Variants in SPDYE21 observed in about 807,000 individuals in gnomAD.
The protein encoded by SPDYE21 is speedy/RINGO cell cycle regulator family member E21.
SPDYE21 carries 14 observed loss-of-function variants against 36.2 expected under a neutral mutation model. The ratio of observed to expected loss-of-function variants is 0.39; its 90% CI spans 0.26 to 0.61. SPDYE21 has a LOEUF of 0.61. Among genes scored for constraint, SPDYE21 ranks in the 20% least tolerant of loss-of-function variants. The probability of loss-of-function intolerance (pLI) is 0.55; values close to 1 mark genes in which losing one functional copy is unlikely to be tolerated. For missense variants in SPDYE21, 233 were observed against 424.6 expected, an observed-to-expected ratio of 0.55 and a Z score of 3.97; for synonymous variants, 58 against 155.1, an observed-to-expected ratio of 0.37 and a Z score of 4.65.
intron 5 of SPDYE21, among the ~76,000 whole-genome samples, chr7:67,283,573 T>G (rs1483174065): frequency 2.6e-5 from 4 of 151,582 alleles, no homozygotes; most frequent in African/African-American, 4.9e-5. Flanking sequence ...CAGCCCTGAA[T>G]CTCCTGGCCC....
intron 6 of SPDYE21, among the ~76,000 whole-genome samples, chr7:67,285,334 G>C (rs1802711144): frequency 6.6e-6 from 1 of 152,040 alleles, no homozygotes; most frequent in Non-Finnish European, 1.5e-5. Context: ...TCCCACCTCA[G>C]CTTCTTTATT....
rs549041483 is a variant in SPDYE21, at chr7:67,285,991, C to T, written c.756-53C>T. On this transcript the variant is annotated intron_variant, in intron 6 of 8. Transcript: ENST00000424157. ...TCCTCTCTGGGAAGCTGACCTCAGC[C>T]GGAGGCCTCTCCTGGTGGTGCCCCT... 2,295 of 1,611,998 alleles carry T rather than the reference C, an allele frequency of 1.4e-3. 25 individuals carry two copies. In the African/African-American group the frequency reaches 0.025, roughly 18 times the overall value.
chr7:67,279,174 C>T (rs1802590170), intron 2 of SPDYE21, among the ~76,000 whole-genome samples: 1 of 147,666 alleles, frequency 6.8e-6, no homozygotes, highest in Non-Finnish European at 1.5e-5. Context: ...GATCACGCTA[C>T]TGCACTCCCA....
chr7:67,278,173 A>ATAATCTCACTCTTGCACATGG lies in SPDYE21; in HGVS notation c.-422-99_-422-98insGTAATCTCACTCTTGCACATG. ...CATGATAATCTCACTCTTGTACATG[A>ATAATCTCACTCTTGCACATGG]TAATCTCACTCTTGCACATGATAAT... On this transcript the variant is annotated intron_variant, in intron 1 of 8. Coordinates refer to ENST00000424157, the MANE Select transcript of SPDYE21 (RefSeq NM_001382715.2). Among the ~76,000 whole-genome samples, 2 of 81,324 alleles carry ATAATCTCACTCTTGCACATGG rather than the reference A, an allele frequency of 2.5e-5. 1 individual carries two copies. The highest frequency in any genetic ancestry group is 6.7e-4 in the East Asian group (2 of 3,004). The allele number at this position is 81,324 out of a possible 152,430, so 53.4% of individuals were successfully genotyped here. A position where few individuals can be genotyped will look rare whatever the true frequency, so the allele number is the denominator to read the frequency against.
intron 6 of SPDYE21, among the ~76,000 whole-genome samples, chr7:67,284,981 G>A (rs907587126): frequency 2.0e-5 from 3 of 151,606 alleles, no homozygotes; most frequent in African/African-American, 4.8e-5. Flanking sequence ...CTTTGTGTTT[G>A]TGTTTTCTGT....
rs541656144 is a variant in SPDYE21, at chr7:67,287,593, G to C, written c.*121G>C. Among the ~76,000 whole-genome samples, 2 of 150,330 alleles carry C rather than the reference G, an allele frequency of 1.3e-5. No individual in the cohort carries two copies. The highest frequency in any genetic ancestry group is 2.9e-5 in the Non-Finnish European group (2 of 67,840). On this transcript the variant is annotated 3_prime_UTR_variant, in exon 9 of 9. Coordinates refer to ENST00000424157, the MANE Select transcript of SPDYE21 (RefSeq NM_001382715.2). ...TGCTAATGGCAGACACCAGGAAGGA[G>C]AAGAGGAACCATTTGTGCAGATCAT...
intron 6 of SPDYE21, 80 bp from the exon 7 acceptor site, chr7:67,285,964 C>T: frequency 1.2e-6 from 2 of 1,609,802 alleles, no homozygotes; most frequent in South Asian, 1.1e-5. Context: ...GGTCCCTTAC[C>T]TTCCTCTCTG....
chr7:67,282,076 T>C (rs1284345194), intron 4 of SPDYE21, among the ~76,000 whole-genome samples: 1 of 152,120 alleles, frequency 6.6e-6, no homozygotes, highest in East Asian at 1.9e-4. Flanking sequence ...GAGGTTGCAG[T>C]GAGCCAAGAT....
intron 3 of SPDYE21, among the ~76,000 whole-genome samples, chr7:67,280,290 T>C (rs191757533): frequency 3.3e-5 from 5 of 152,054 alleles, no homozygotes; most frequent in Admixed American, 1.3e-4. Context: ...CCTGAGATCC[T>C]AGCATGTTGG....
At chr7:67,283,546 G>A (rs1802678302) in intron 5 of SPDYE21, among the ~76,000 whole-genome samples, 1 of 151,864 alleles carries the variant, frequency 6.6e-6, no homozygotes, top group African/African-American at 2.4e-5. Context: ...TCTGAGCTCT[G>A]GGCCACAGTC....
intron 4 of SPDYE21, 127 bp downstream of exon 4, chr7:67,281,731 TG>T: frequency 8.3e-7 from 1 of 1,198,614 alleles, no homozygotes; most frequent in Non-Finnish European, 1.2e-6. Context: ...GGGAGGAATG[TG>T]AAGTGATCAC....
At chr7:67,286,879 G>C (rs3873638) in intron 8 of SPDYE21, among the ~76,000 whole-genome samples, 13,897 of 151,664 alleles carry the variant, frequency 0.092, 874 homozygotes, top group East Asian at 0.35. Context: ...TGGAAGGTTG[G>C]GGCTGCACGG....
At chr7:67,283,034 G>C in intron 5 of SPDYE21, among the ~76,000 whole-genome samples, 1 of 145,994 alleles carries the variant, frequency 6.8e-6, no homozygotes, top group Admixed American at 7.0e-5. Flanking sequence ...CTGAACACCT[G>C]ACCTCAGGCG....
At chr7:67,285,782 C>T (rs1584749540) in intron 6 of SPDYE21, among the ~76,000 whole-genome samples, 1 of 152,170 alleles carries the variant, frequency 6.6e-6, no homozygotes, top group East Asian at 2.0e-4. Flanking sequence ...CTGCTTTGGC[C>T]TCCCAATGTG....
chr7:67,283,648 C>A (rs1408186808), intron 5 of SPDYE21, among the ~76,000 whole-genome samples: 1 of 152,124 alleles, frequency 6.6e-6, no homozygotes, highest in African/African-American at 2.4e-5. Context: ...TGACACCAGC[C>A]GACCCAGACA....
rs1463266620 is a variant in SPDYE21 at position 67,288,869 on chromosome 7, A to AATTTT, written c.*1397_*1398insATTTT. ...ATGTAATTTTTTACCTTGTTTTGGC[A>AATTTT]TGTTTGTATATTACTTTAAAGAGGA... is the stretch of plus-strand genomic sequence containing the variant. On this transcript the variant is annotated 3_prime_UTR_variant, in exon 9 of 9. Coordinates refer to ENST00000424157, the MANE Select transcript of SPDYE21 (RefSeq NM_001382715.2). Among the ~76,000 whole-genome samples, 1 of 150,838 alleles carries AATTTT rather than the reference A, an allele frequency of 6.6e-6. No homozygotes were observed. The highest frequency in any genetic ancestry group is 6.7e-5 in the Admixed American group (1 of 14,932).
chr7:67,284,340 T>C (rs868325257), intron 6 of SPDYE21, among the ~76,000 whole-genome samples: 18 of 150,388 alleles, frequency 1.2e-4, no homozygotes, highest in African/African-American at 4.2e-4. Flanking sequence ...TCCCAGCTAC[T>C]TGGGAGGCTG....
intron 5 of SPDYE21, among the ~76,000 whole-genome samples, chr7:67,283,071 G>C (rs1325098072): frequency 3.3e-5 from 5 of 150,850 alleles, no homozygotes; most frequent in Non-Finnish European, 7.4e-5. Flanking sequence ...CTCCCAAAGT[G>C]CTGAGATTAT....
In SPDYE21 at chr7:67,278,778, G is replaced by T. The variant is rs562951968; in HGVS notation, c.65G>T (p.Arg22Leu). 6.6e-6 allele frequency among the ~76,000 whole-genome samples: 1 copy of T among 152,004 alleles called. No homozygotes were observed. The highest frequency in any genetic ancestry group is 1.5e-5 in the Non-Finnish European group (1 of 68,018). ...ATTACGGGAAAGATCACGACCAGCC[G>T]TCAACTGCACCCCCAGAATGAGCAG... ...GQITGKITTS[R>L]QLHPQNEQSP... The change falls in exon 2 of 9, where the codon CGT becomes CTT. Residue 22 changes from arginine (R) to leucine (L), a missense_variant. Coordinates refer to ENST00000424157, the MANE Select transcript of SPDYE21 (RefSeq NM_001382715.2).
Sources: allele counts gnomAD v4.1 joint callset (sites outside exome capture counted in the v4.1 genomes callset), GRCh38; gene constraint gnomAD v4.1.1; transcripts MANE v1.5; gene names NCBI Gene and HGNC (gene_info 2026-07-23, HGNC 2026-07-21).